The following PBX4 variants were observed in gnomAD, a reference collection of about 807,000 sequenced individuals.
The protein encoded by PBX4 is pre-B-cell leukemia transcription factor 4.
PBX4 carries 26 observed loss-of-function variants against 35.1 expected under a neutral mutation model. That is an observed-to-expected ratio of 0.74 (90% CI 0.54 to 1.03). The LOEUF (loss-of-function observed/expected upper bound fraction) is 1.03. Among genes scored for constraint, PBX4 ranks in the 50% least tolerant of loss-of-function variants. The pLI is 0.00. For synonymous variants in PBX4, 199 were observed against 204.2 expected, an observed-to-expected ratio of 0.97 and a Z score of 0.22; for missense variants, 448 against 504.3, an observed-to-expected ratio of 0.89 and a Z score of 1.07.
chr19:19,618,515 C>A lies in PBX4; in HGVS notation c.115G>T (p.Ala39Ser), dbSNP rs565955170. The A allele has an allele frequency of 4.9e-5, 72 of 1,483,772 alleles. No homozygotes were observed. In the African/African-American group the frequency reaches 8.4e-4, roughly 17 times the overall value. 91.9% of individuals were successfully genotyped at this position (1,483,772 alleles called of 1,614,324 possible). A position where few individuals can be genotyped will look rare whatever the true frequency, so the allele number is the denominator to read the frequency against. The change falls in exon 1 of 8, where the codon GCC becomes TCC. Residue 39 changes from alanine (A) to serine (S), a missense_variant. Physicochemically the swap from Ala to Ser is moderately conservative, Grantham distance 99. Transcript: ENST00000251203. ...ITDQSLDEAQ[A>S]RKHALNCHRM... is the part of the protein sequence containing the mutation. ...TGCCGAGCCCGCGGGCAGCACCTGG[C>A]CTGTGCCTCGTCCAGGCTCTGGTCG... is the stretch of plus-strand genomic sequence containing the variant.
chr19:19,597,628 C>G (rs1382541328), intron 2 of PBX4, among the ~76,000 whole-genome samples: 1 of 152,198 alleles, frequency 6.6e-6, no homozygotes, highest in Admixed American at 6.5e-5. Context: ...ACACTTTCCA[C>G]AAGCCTCAGC....
At chr19:19,590,299 A>C (rs1430784607) in intron 2 of PBX4, among the ~76,000 whole-genome samples, 1 of 151,958 alleles carries the variant, frequency 6.6e-6, no homozygotes, top group African/African-American at 2.4e-5. Flanking sequence ...GACTCTTCAT[A>C]TTGATGGAAT....
chr19:19,563,731 C>G lies in PBX4; in HGVS notation c.926-116G>C, dbSNP rs926246629. 2.3e-6 allele frequency: 2 copies of G among 858,192 alleles called. No individual in the cohort carries two copies. The highest frequency in any genetic ancestry group is 4.0e-5 in the Admixed American group (2 of 49,548). The allele number at this position is 858,192 out of a possible 1,614,324, so 53.2% of individuals were successfully genotyped here. The stretch of plus-strand genomic sequence containing the variant: ...GTGGCTCCTGCCCCTCCTCAGCATC[C>G]GGCCTCTGCTCCTCAGCCCCCACCC... On this transcript the variant is annotated intron_variant, in intron 6 of 7. Transcript: ENST00000251203. This position sits in a 1 kb window ranked among gnomAD's most constrained non-coding sequence, Gnocchi z 5.1.
intron 2 of PBX4, among the ~76,000 whole-genome samples, chr19:19,590,198 C>A (rs1351679527): frequency 6.6e-6 from 1 of 152,158 alleles, no homozygotes; most frequent in Non-Finnish European, 1.5e-5. Context: ...CCTAAAGATA[C>A]CCCGTCTCTA....
intron 1 of PBX4, among the ~76,000 whole-genome samples, chr19:19,610,556 G>C (rs1441073944): frequency 1.3e-5 from 2 of 152,120 alleles, no homozygotes; most frequent in East Asian, 3.8e-4. Context: ...TTCAAGACCA[G>C]CCTGCCCAAC....
At chr19:19,592,894 G>C (rs1235808577) in intron 2 of PBX4, among the ~76,000 whole-genome samples, 2 of 152,284 alleles carry the variant, frequency 1.3e-5, no homozygotes, top group East Asian at 3.9e-4. Flanking sequence ...TGAGGACAGT[G>C]TACGGGGTGG....
chr19:19,576,766 C>T (rs1340115335), intron 2 of PBX4, among the ~76,000 whole-genome samples: 1 of 152,018 alleles, frequency 6.6e-6, no homozygotes, highest in Non-Finnish European at 1.5e-5. Context: ...TATACACATG[C>T]CACCACACCT....
At chr19:19,594,879 G>A (rs539681352) in intron 2 of PBX4, among the ~76,000 whole-genome samples, 1 of 152,032 alleles carries the variant, frequency 6.6e-6, no homozygotes, top group South Asian at 2.1e-4. Flanking sequence ...ATGCCACCAC[G>A]CCCAGCTAAT....
intron 2 of PBX4, among the ~76,000 whole-genome samples, chr19:19,582,990 G>A (rs777441477): frequency 6.6e-6 from 1 of 152,258 alleles, no homozygotes; most frequent in Non-Finnish European, 1.5e-5. Flanking sequence ...GGAACACCAA[G>A]CTCAGGCCTG....
At chr19:19,596,404 A>C (rs1220870194) in intron 2 of PBX4, among the ~76,000 whole-genome samples, 3 of 152,136 alleles carry the variant, frequency 2.0e-5, no homozygotes, top group Non-Finnish European at 2.9e-5. Flanking sequence ...AAAAATAAAG[A>C]TATCATAATG....
At chr19:19,615,380 G>T (rs1219654709) in intron 1 of PBX4, among the ~76,000 whole-genome samples, 1 of 151,518 alleles carries the variant, frequency 6.6e-6, no homozygotes, top group South Asian at 2.1e-4. Context: ...GTTGTATGGT[G>T]ACAAGGACTC....
Position 19,563,720 on chromosome 19 carries a change from T to A in PBX4, c.926-105A>T. On this transcript the variant is annotated intron_variant, in intron 6 of 7. Transcript: ENST00000251203. This position sits in a 1 kb window ranked among gnomAD's most constrained non-coding sequence, Gnocchi z 5.1. ...AGGCCTCGAATGTGGCTCCTGCCCC[T>A]CCTCAGCATCCGGCCTCTGCTCCTC... 1.1e-6 allele frequency: 1 copy of A among 937,470 alleles called. No individual in the cohort carries two copies. The highest frequency in any genetic ancestry group is 1.7e-6 in the Non-Finnish European group (1 of 593,914). 58.1% of individuals were successfully genotyped at this position (937,470 alleles called of 1,614,324 possible). A position where few individuals can be genotyped will look rare whatever the true frequency, so the allele number is the denominator to read the frequency against.
chr19:19,615,885 G>A (rs915731228), intron 1 of PBX4, among the ~76,000 whole-genome samples: 2 of 152,138 alleles, frequency 1.3e-5, no homozygotes, highest in African/African-American at 2.4e-5. Flanking sequence ...GTGAGAGTCC[G>A]TCACACACAC....
In PBX4 at chr19:19,562,580, C is replaced by T. The variant is rs1197050434; in HGVS notation, c.1033-463G>A. Among the ~76,000 whole-genome samples, 3 of 152,138 alleles carry T rather than the reference C, an allele frequency of 2.0e-5. No homozygotes were observed. The highest frequency in any genetic ancestry group is 4.4e-5 in the Non-Finnish European group (3 of 68,016). ...AACCACTTGTCATAAGGGGTGGGGGCTCTGTCTGCAGTGCAGAGACGGCAT... is the reference window on the plus strand; with the variant it reads ...AACCACTTGTCATAAGGGGTGGGGGTTCTGTCTGCAGTGCAGAGACGGCAT... On this transcript the variant is annotated intron_variant, in intron 7 of 7. Coordinates refer to ENST00000251203, the MANE Select transcript of PBX4 (RefSeq NM_025245.3). The surrounding 1 kb of genome is among the most constrained non-coding windows in gnomAD (Gnocchi z 4.8).
At chr19:19,576,578 G>T (rs1200730386) in intron 2 of PBX4, among the ~76,000 whole-genome samples, 2 of 151,740 alleles carry the variant, frequency 1.3e-5, no homozygotes, top group Non-Finnish European at 2.9e-5. Flanking sequence ...AAACATCTGA[G>T]AGCCCATCAC....
chr19:19,618,335 C>T (rs2061698731), intron 1 of PBX4, among the ~76,000 whole-genome samples, 176 bp downstream of exon 1: 1 of 152,214 alleles, frequency 6.6e-6, no homozygotes, highest in African/African-American at 2.4e-5. Context: ...TGCTCGGCCC[C>T]ATAAGGCCTA....
At chr19:19,598,913 CTTTTTTT>C (rs34982058) in intron 2 of PBX4, among the ~76,000 whole-genome samples, 4 of 112,592 alleles carry the variant, frequency 3.6e-5, no homozygotes, top group Admixed American at 9.7e-5. Context: ...CAGGAAGTGC[CTTTTTTT>C]TTTTTTTTTT....
At chr19:19,588,140 C>T in intron 2 of PBX4, 1 of 1,137,596 alleles carries the variant, frequency 8.8e-7, no homozygotes, top group South Asian at 1.3e-5. Context: ...GGTCTTAGAG[C>T]TCCCCAAATA....
chr19:19,567,798 G>A (rs148268551), intron 5 of PBX4, among the ~76,000 whole-genome samples: 51 of 150,784 alleles, frequency 3.4e-4, no homozygotes, highest in East Asian at 3.4e-3. Context: ...TCTCTACCAC[G>A]TCACCTCAGG....
Sources: gnomAD v4.1 joint callset for allele counts (sites outside exome capture counted in the v4.1 genomes callset) on GRCh38, gnomAD v4.1.1 for gene constraint, Gnocchi (gnomAD v3.1) non-coding constraint, MANE v1.5 for transcripts, NCBI Gene and HGNC (gene_info 2026-07-23, HGNC 2026-07-21) for gene names.